The following ANK1 variants were observed in gnomAD, a reference collection of about 807,000 sequenced individuals.
ANK1 encodes the protein ankyrin 1, also known as ankyrin-1.
In ANK1, 51 loss-of-function variants were observed where a neutral mutation model predicts 210.4. That is an observed-to-expected ratio of 0.24 (90% CI 0.19 to 0.31). The LOEUF (loss-of-function observed/expected upper bound fraction) is 0.31. Ranked by LOEUF, ANK1 falls within the 10% of genes least tolerant of loss-of-function variation. The pLI, the probability that ANK1 is intolerant of heterozygous loss-of-function variation, is 1.00. For missense variants in ANK1, 2,051 were observed against 2,504.4 expected, an observed-to-expected ratio of 0.82 and a Z score of 3.86; for synonymous variants, 967 against 1,025.9, an observed-to-expected ratio of 0.94 and a Z score of 1.10.
chr8:41,837,438 A>G (rs1807982784), intron 1 of ANK1, among the ~76,000 whole-genome samples: 1 of 152,198 alleles, frequency 6.6e-6, no homozygotes. Flanking sequence ...TTCCTAGTCC[A>G]CCATTAGTGA....
intron 17 of ANK1, among the ~76,000 whole-genome samples, chr8:41,706,502 T>A (rs1824623410): frequency 6.6e-6 from 1 of 152,256 alleles, no homozygotes. Flanking sequence ...TGACTAACAT[T>A]TAAATGAATG....
rs570349584 is a variant in ANK1 at position 41,668,989 on chromosome 8, C to T, written c.5097-425G>A. 3.3e-5 allele frequency among the ~76,000 whole-genome samples: 5 copies of T among 152,162 alleles called. No homozygotes were observed. The South Asian group carries it at 1.0e-3, about 32-fold the overall frequency. On this transcript the variant is annotated intron_variant, in intron 38 of 42. Transcript: ENST00000289734. ...ATCTGACAAGGTGGTCATTCTCTCC[C>T]CCTCAAGACACATTCTCCCGTGGCT... is the stretch of plus-strand genomic sequence containing the variant.
chr8:41,734,501 T>C (rs1027966684), intron 2 of ANK1, among the ~76,000 whole-genome samples: 4 of 152,152 alleles, frequency 2.6e-5, no homozygotes, highest in African/African-American at 9.7e-5. Context: ...AGACATATGT[T>C]TGGTAAGATG....
chr8:41,880,953 G>T (rs965136497), intron 1 of ANK1, among the ~76,000 whole-genome samples: 11 of 152,248 alleles, frequency 7.2e-5, no homozygotes, highest in African/African-American at 2.2e-4. Flanking sequence ...CATCCCTCTT[G>T]TCTTCTCAGA....
chr8:41,890,798 G>T (rs1587648624), intron 1 of ANK1, among the ~76,000 whole-genome samples: 1 of 151,894 alleles, frequency 6.6e-6, no homozygotes, highest in Non-Finnish European at 1.5e-5. Flanking sequence ...AATTCAAGGT[G>T]GGGGAAACAA....
chr8:41,775,371 T>C (rs1231410199), intron 1 of ANK1, among the ~76,000 whole-genome samples: 1 of 152,228 alleles, frequency 6.6e-6, no homozygotes, highest in Admixed American at 6.5e-5. Context: ...CAGAGGGGCT[T>C]GTGACCCTGA....
Position 41,681,437 on chromosome 8 carries a change from GC to G in ANK1, c.4537+3106del, listed in dbSNP as rs1250250300. On this transcript the variant is annotated intron_variant, in intron 37 of 42. Transcript: ENST00000289734. Reference sequence around the variant, plus strand: ...GAAGCACGCTGGCCTTTTGGCCTGAGCCCCTCTGCTCTGGCCAATTAAGGCA... The same window carrying G: ...GAAGCACGCTGGCCTTTTGGCCTGAGCCCTCTGCTCTGGCCAATTAAGGCA... Among the ~76,000 whole-genome samples, 3 of 152,382 alleles carry G rather than the reference GC, an allele frequency of 2.0e-5. No homozygotes were observed. The East Asian group carries it at 5.8e-4, about 29-fold the overall frequency.
At chr8:41,892,197 C>T (rs1819577511) in intron 1 of ANK1, among the ~76,000 whole-genome samples, 1 of 152,084 alleles carries the variant, frequency 6.6e-6, no homozygotes, top group Admixed American at 6.5e-5. Context: ...CCTCCAGACC[C>T]ACCAAGCCTC....
At chr8:41,818,934 C>A (rs929039296) in intron 1 of ANK1, among the ~76,000 whole-genome samples, 4 of 152,202 alleles carry the variant, frequency 2.6e-5, no homozygotes, top group Non-Finnish European at 4.4e-5. Context: ...CTTGCCCAGA[C>A]ATGCCGGCAA....
At chr8:41,805,081 TGTC>T (rs1048627970) in intron 1 of ANK1, among the ~76,000 whole-genome samples, 3 of 151,514 alleles carry the variant, frequency 2.0e-5, no homozygotes, top group African/African-American at 4.9e-5. Flanking sequence ...TGTGTGTGTG[TGTC>T]GTGTGTGTGT....
chr8:41,663,114 C>CTCTGTGTGTGTG (rs1554517870), intron 40 of ANK1, among the ~76,000 whole-genome samples: 1 of 145,118 alleles, frequency 6.9e-6, no homozygotes, highest in Admixed American at 6.9e-5. Flanking sequence ...CTCTCTCTCT[C>CTCTGTGTGTGTG]TGTGTGTGTG....
Position 41,772,998 on chromosome 8 carries a change from AC to A in ANK1, c.28-14862del, listed in dbSNP as rs1843251693. ...GGGAAATGTTATTAACTAGGAAGGA[AC>A]TTTACAGAATGTTCCACACAAATGT... On this transcript the variant is annotated intron_variant, in intron 1 of 42. Coordinates refer to ENST00000289734, the MANE Select transcript of ANK1 (RefSeq NM_000037.4). 2.0e-5 allele frequency among the ~76,000 whole-genome samples: 3 copies of A among 152,326 alleles called. No homozygotes were observed. In the South Asian group the frequency reaches 6.2e-4, roughly 32 times the overall value.
intron 16 of ANK1, among the ~76,000 whole-genome samples, chr8:41,709,388 C>T (rs1825560550): frequency 6.6e-6 from 1 of 152,254 alleles, no homozygotes; most frequent in Non-Finnish European, 1.5e-5. Flanking sequence ...AAGTGCTGCC[C>T]TCTGGGCCTT....
At chr8:41,785,237 A>G (rs1157811342) in intron 1 of ANK1, among the ~76,000 whole-genome samples, 2 of 152,076 alleles carry the variant, frequency 1.3e-5, no homozygotes, top group Admixed American at 6.5e-5. Flanking sequence ...GTGCATGACT[A>G]TGGTCCTGGC....
chr8:41,691,518 A>G (rs149792977), intron 31 of ANK1, among the ~76,000 whole-genome samples: 39 of 152,282 alleles, frequency 2.6e-4, no homozygotes, highest in Non-Finnish European at 2.4e-4. Flanking sequence ...TGAGGATTAG[A>G]TCACTGCTGG....
intron 36 of ANK1, 32 bp from the exon 37 acceptor site, chr8:41,684,722 C>A (rs781608927): frequency 6.2e-7 from 1 of 1,609,372 alleles, no homozygotes; most frequent in Non-Finnish European, 8.5e-7. Context: ...GCACGTTACT[C>A]CAGGCCGGTG....
rs753422799 is a variant in ANK1 at position 41,758,020 on chromosome 8, C to T, written c.129+16G>A. On this transcript the variant is annotated intron_variant, in intron 2 of 42. Transcript: ENST00000289734. ...CTACTCTTCAGAGACAACAGGCCTG[C>T]CTCCATCCCACTTACCTGGTTACAG... is the stretch of plus-strand genomic sequence containing the variant. 2 of 1,607,726 alleles carry T rather than the reference C, an allele frequency of 1.2e-6. No individual in the cohort carries two copies. Among genetic ancestry groups the T allele is most frequent in the South Asian group, 2.2e-5 (2 of 90,950 alleles).
chr8:41,828,695 G>A (rs1028432324), intron 1 of ANK1: 2 of 153,558 alleles, frequency 1.3e-5, no homozygotes, highest in Non-Finnish European at 2.9e-5. Flanking sequence ...GCTGGAGAGG[G>A]GGCGCTCGTA....
intron 17 of ANK1, among the ~76,000 whole-genome samples, chr8:41,708,012 G>A (rs1825124302): frequency 6.6e-6 from 1 of 152,168 alleles, no homozygotes; most frequent in Non-Finnish European, 1.5e-5. Context: ...GAGGGACCGG[G>A]GGCTCTGGGG....
Sources: gnomAD v4.1 joint callset for allele counts (sites outside exome capture counted in the v4.1 genomes callset) on GRCh38, gnomAD v4.1.1 for gene constraint, MANE v1.5 for transcripts, NCBI Gene and HGNC (gene_info 2026-07-23, HGNC 2026-07-21) for gene names.